The following SLC12A7 variants were observed in gnomAD, a reference collection of about 807,000 sequenced individuals.
The protein encoded by SLC12A7 is solute carrier family 12 member 7.
In SLC12A7, 100 loss-of-function variants were observed where a neutral mutation model predicts 120.6. The observed-to-expected ratio is 0.83, with a 90% CI of 0.71 to 0.98. The LOEUF (loss-of-function observed/expected upper bound fraction) is 0.98. Among genes scored for constraint, SLC12A7 ranks in the 50% least tolerant of loss-of-function variants. The pLI, the probability that SLC12A7 is intolerant of heterozygous loss-of-function variation, is 0.00. For missense variants in SLC12A7, 1,373 were observed against 1,548.1 expected (o/e 0.89, Z 1.90); for synonymous variants, 760 against 678.0 (o/e 1.12, Z -1.88).
At chr5:1,082,223 CT>C (rs1739233045) in intron 8 of SLC12A7, among the ~76,000 whole-genome samples, 1 of 143,678 alleles carries the variant, frequency 7.0e-6, no homozygotes, top group African/African-American at 2.6e-5. Flanking sequence ...GGCTTCCTCT[CT>C]AGGGTTCTGG....
At chr5:1,053,678 G>A (rs377636981) in intron 22 of SLC12A7, among the ~76,000 whole-genome samples, 196 bp from the exon 23 acceptor site, 31 of 152,218 alleles carry the variant, frequency 2.0e-4, no homozygotes, top group African/African-American at 6.3e-4. Flanking sequence ...CAGCCAGGGC[G>A]GGCGTTCAGC....
the SLC12A7 span, among the ~76,000 whole-genome samples, chr5:1,136,214 A>G: frequency 6.6e-6 from 1 of 152,298 alleles, no homozygotes; most frequent in South Asian, 2.1e-4. Flanking sequence ...CATCCGTGCA[A>G]TAGAGGGAAA....
intron 1 of SLC12A7, among the ~76,000 whole-genome samples, chr5:1,103,321 G>A (rs1476042274): frequency 2.0e-5 from 3 of 152,170 alleles, no homozygotes; most frequent in Admixed American, 6.5e-5. Context: ...GGAGAGCGCC[G>A]GGAGATCCCA....
intron 21 of SLC12A7, 73 bp from the exon 22 acceptor site, chr5:1,057,722 G>C (rs1735776481): frequency 1.4e-6 from 2 of 1,431,162 alleles, no homozygotes; most frequent in Admixed American, 2.0e-5. Flanking sequence ...CGGGATGCCA[G>C]GCCGGAGGTG....
intron 8 of SLC12A7, among the ~76,000 whole-genome samples, chr5:1,082,318 G>A (rs1217315271): frequency 1.3e-5 from 2 of 148,440 alleles, no homozygotes; most frequent in Admixed American, 6.7e-5. Context: ...TCCTCTCTAG[G>A]GTTCTGGAAA....
In SLC12A7 at chr5:1,053,398, G is replaced by A; in HGVS notation, c.3111C>T (p.Val1037=). 1 of 1,614,034 alleles carries A rather than the reference G, an allele frequency of 6.2e-7. No homozygotes were observed. Reference sequence around the variant, plus strand: ...TGGGAGGACCTGGCATGTTGAGCAGGACCAGCTGCGCATCCTGGGACTTGT... The same window carrying A: ...TGGGAGGACCTGGCATGTTGAGCAGAACCAGCTGCGCATCCTGGGACTTGT... ...VLNKSQDAQL[V]LLNMPGPPKN... The change falls in exon 23 of 24, where the codon GTC becomes GTT. Residue 1037 remains valine, a synonymous_variant. Transcript: ENST00000264930.
At chr5:1,076,314 C>T in intron 13 of SLC12A7, 78 bp from the exon 14 acceptor site, 1 of 1,158,952 alleles carries the variant, frequency 8.6e-7, no homozygotes, top group Non-Finnish European at 1.2e-6. Flanking sequence ...GGGAGACCAC[C>T]CTTGTCACTG....
chr5:1,087,100 G>A, intron 5 of SLC12A7, 67 bp from the exon 6 acceptor site: 1 of 1,515,680 alleles, frequency 6.6e-7, no homozygotes, highest in Non-Finnish European at 8.9e-7. Context: ...GGTGCGGTCT[G>A]CGCTGCCATT....
chr5:1,088,207 C>CG, intron 5 of SLC12A7, 99 bp downstream of exon 5: 1 of 1,260,252 alleles, frequency 7.9e-7, no homozygotes, highest in Non-Finnish European at 1.1e-6. Context: ...AGGCAGCCCC[C>CG]GGCCCGGCCT....
At chr5:1,058,425 G>A (rs1219141269) in intron 21 of SLC12A7, among the ~76,000 whole-genome samples, 1 of 152,234 alleles carries the variant, frequency 6.6e-6, no homozygotes, top group Non-Finnish European at 1.5e-5. Flanking sequence ...CCTTGGAAGT[G>A]GTATTTATGC....
rs538777766 is a variant in SLC12A7, at chr5:1,079,576, A to G, written c.1298-80T>C. 1.1e-4 allele frequency: 136 copies of G among 1,219,138 alleles called. No homozygotes were observed. The South Asian group carries it at 1.3e-3, about 11-fold the overall frequency. 75.5% of individuals were successfully genotyped at this position (1,219,138 alleles called of 1,614,324 possible). On this transcript the variant is annotated intron_variant, in intron 9 of 23. Transcript: ENST00000264930. ...TGGCAGCCCCTGCCCAGAAAGCTGG[A>G]AAGGCGGTCTCTGGGGAGACCCCGA...
intron 18 of SLC12A7, 26 bp from the exon 19 acceptor site, chr5:1,064,278 G>A (rs1226239554): frequency 6.3e-7 from 1 of 1,595,870 alleles, no homozygotes; most frequent in Non-Finnish European, 8.5e-7. Flanking sequence ...GCCGTCCGCA[G>A]GTCATCTGAG....
intron 9 of SLC12A7, among the ~76,000 whole-genome samples, chr5:1,080,235 G>GCGC (rs1738867699): frequency 1.0e-5 from 1 of 95,790 alleles, no homozygotes; most frequent in African/African-American, 4.5e-5. Flanking sequence ...GCGGCGCGGA[G>GCGC]ACACCAGGAG....
chr5:1,084,579 G>A (rs2150858519), intron 7 of SLC12A7, among the ~76,000 whole-genome samples: 1 of 152,346 alleles, frequency 6.6e-6, no homozygotes, highest in African/African-American at 2.4e-5. Flanking sequence ...TCGGCAGGGG[G>A]TCTCAGGACG....
chr5:1,060,467 G>A lies in SLC12A7; in HGVS notation c.2740-16C>T, dbSNP rs1344853862. The A allele has an allele frequency of 2.5e-6, 4 of 1,590,420 alleles. No individual in the cohort carries two copies. Among genetic ancestry groups the A allele is most frequent in the Non-Finnish European group, 3.5e-6 (4 of 1,159,096 alleles). ...CGTTTTCAACCTAGAAAGTTCCCAA[G>A]CACGTAGTAAGCCCGGTGTGCACAG... On this transcript the variant is annotated splice_polypyrimidine_tract_variant and intron_variant, in intron 20 of 23. Transcript: ENST00000264930.
chr5:1,108,074 A>C (rs1742672840), intron 1 of SLC12A7, among the ~76,000 whole-genome samples: 1 of 151,620 alleles, frequency 6.6e-6, no homozygotes, highest in East Asian at 1.9e-4. Context: ...GCTGTGCAAG[A>C]GCACAGTACA....
At chr5:1,099,230 A>C (rs1291653020) in intron 1 of SLC12A7, among the ~76,000 whole-genome samples, 1 of 152,204 alleles carries the variant, frequency 6.6e-6, no homozygotes, top group Non-Finnish European at 1.5e-5. Context: ...AGCAGCACCC[A>C]GATACCACGT....
intron 12 of SLC12A7, among the ~76,000 whole-genome samples, chr5:1,077,022 C>T (rs563644765): frequency 4.4e-4 from 67 of 152,148 alleles, no homozygotes; most frequent in East Asian, 2.7e-3. Context: ...GCTGTGCCTA[C>T]GCCCGGCTTG....
intron 22 of SLC12A7, chr5:1,056,708 C>T (rs1041078533): frequency 6.3e-5 from 21 of 334,424 alleles, no homozygotes; most frequent in Non-Finnish European, 8.9e-5. Flanking sequence ...CCCCACAGGG[C>T]CCAGGAGCCC....
Sources: allele counts gnomAD v4.1 joint callset (sites outside exome capture counted in the v4.1 genomes callset), GRCh38; gene constraint gnomAD v4.1.1; transcripts MANE v1.5; gene names NCBI Gene and HGNC (gene_info 2026-07-23, HGNC 2026-07-21).